PDZD2: variants seen among roughly 807,000 people sequenced by gnomAD.
PDZD2 encodes PDZ domain containing 2, also known as PDZ domain-containing protein 2.
Under a neutral mutation model 220.7 loss-of-function variants are expected in PDZD2, and 90 were observed. The observed-to-expected ratio is 0.41, with a 90% CI of 0.34 to 0.49. The LOEUF (loss-of-function observed/expected upper bound fraction) is 0.49, where lower values mean the gene tolerates loss of function less well. Ranked by LOEUF, PDZD2 falls within the 20% of genes least tolerant of loss-of-function variation. PDZD2 has a pLI of 0.28. For missense variants in PDZD2, 3,174 were observed against 3,608.5 expected (o/e 0.88, Z 3.08); for synonymous variants, 1,375 against 1,450.5 (o/e 0.95, Z 1.18).
At chr5:31,951,366 C>A (rs567699685) in intron 2 of PDZD2, among the ~76,000 whole-genome samples, 62 of 152,254 alleles carry the variant, frequency 4.1e-4, no homozygotes, top group African/African-American at 1.4e-3. Flanking sequence ...CTGCACCTGG[C>A]CTTCAGGCTT....
chr5:31,650,069 A>G (rs1175974727), intron 1 of PDZD2, among the ~76,000 whole-genome samples: 5 of 152,158 alleles, frequency 3.3e-5, no homozygotes, highest in Non-Finnish European at 5.9e-5. Flanking sequence ...CTAGAGAAAT[A>G]GTACATTGGG....
At chr5:31,715,306 C>A (rs992338625) in intron 1 of PDZD2, among the ~76,000 whole-genome samples, 1 of 152,128 alleles carries the variant, frequency 6.6e-6, no homozygotes, top group Admixed American at 6.5e-5. Flanking sequence ...TGGAGACAAA[C>A]ACACATGGCT....
chr5:31,944,796 G>GCGCTCAA (rs1338865264), intron 2 of PDZD2, among the ~76,000 whole-genome samples: 1 of 152,224 alleles, frequency 6.6e-6, no homozygotes, highest in Admixed American at 6.5e-5. Context: ...AGCAGCTGCA[G>GCGCTCAA]CTGCGCCTTG....
chr5:31,771,328 A>G (rs1465278457), intron 1 of PDZD2, among the ~76,000 whole-genome samples: 1 of 152,176 alleles, frequency 6.6e-6, no homozygotes, highest in Non-Finnish European at 1.5e-5. Flanking sequence ...GTCATCCCTA[A>G]GCTTATCATC....
intron 1 of PDZD2, among the ~76,000 whole-genome samples, chr5:31,768,465 AC>A (rs1248427193): frequency 6.6e-6 from 1 of 151,882 alleles, no homozygotes; most frequent in Non-Finnish European, 1.5e-5. Flanking sequence ...ACATAGTGAA[AC>A]CCCGTCTCTA....
intron 2 of PDZD2, among the ~76,000 whole-genome samples, chr5:31,907,365 T>G (rs943945614): frequency 1.3e-5 from 2 of 152,228 alleles, no homozygotes; most frequent in Non-Finnish European, 1.5e-5. Context: ...ATAAGGGTAC[T>G]AATCCCTTCA....
At chr5:32,059,909 A>T (rs548274080) in intron 13 of PDZD2, among the ~76,000 whole-genome samples, 28 of 152,352 alleles carry the variant, frequency 1.8e-4, no homozygotes, top group African/African-American at 6.7e-4. Flanking sequence ...TTGAGTTGTA[A>T]CATGGGCGTT....
At chr5:31,944,070 G>C (rs1437378324) in intron 2 of PDZD2, among the ~76,000 whole-genome samples, 3 of 152,208 alleles carry the variant, frequency 2.0e-5, no homozygotes, top group Non-Finnish European at 2.9e-5. Flanking sequence ...TTTGAATTCA[G>C]TGTAACAAGC....
At chr5:31,725,687 T>A in intron 1 of PDZD2, 1 of 950,810 alleles carries the variant, frequency 1.1e-6, no homozygotes, top group Non-Finnish European at 1.7e-6. Flanking sequence ...TTGGAATCTG[T>A]TTTTAGAGAT....
chr5:31,656,708 A>G (rs1391028419), intron 1 of PDZD2, among the ~76,000 whole-genome samples: 7 of 152,226 alleles, frequency 4.6e-5, no homozygotes, highest in African/African-American at 1.7e-4. Flanking sequence ...TTTCAGTACC[A>G]TGTTTGAAAA....
intron 1 of PDZD2, among the ~76,000 whole-genome samples, chr5:31,713,141 C>T (rs1280345346): frequency 2.0e-5 from 3 of 152,174 alleles, no homozygotes; most frequent in Non-Finnish European, 2.9e-5. Context: ...TTATTCCATA[C>T]CTGGGTCTGA....
Position 31,709,076 on chromosome 5 carries a change from C to T in PDZD2, c.-361+69639C>T, listed in dbSNP as rs192591742. Among the ~76,000 whole-genome samples, 964 of 151,854 alleles carry T rather than the reference C, an allele frequency of 6.3e-3. 10 individuals carry two copies. Among genetic ancestry groups the T allele is most frequent in the African/African-American group, 0.022 (913 of 41,436 alleles). On this transcript the variant is annotated intron_variant, in intron 1 of 24. Coordinates refer to ENST00000438447, the MANE Select transcript of PDZD2 (RefSeq NM_178140.4). ...CTAATTTTTGTATTTTTAGTAGAGA[C>T]GGGGTTTCACCATGTTGGCCAGGCT...
chr5:31,736,796 C>T (rs1749887025), intron 1 of PDZD2, among the ~76,000 whole-genome samples: 1 of 152,168 alleles, frequency 6.6e-6, no homozygotes, highest in Non-Finnish European at 1.5e-5. Context: ...GCAGATCTAT[C>T]ATGAATGACT....
At position 31,643,616 on chromosome 5, in the gene PDZD2, T is replaced by C. The variant is rs112284739; in HGVS notation, c.-361+4179T>C. 8.4e-3 allele frequency among the ~76,000 whole-genome samples: 1,281 copies of C among 152,304 alleles called. 24 individuals carry two copies. Among genetic ancestry groups the C allele is most frequent in the African/African-American group, 0.029 (1,188 of 41,570 alleles). On this transcript the variant is annotated intron_variant, in intron 1 of 24. Transcript: ENST00000438447. ...GATCTGGGGAACTCTTGTCTTTCAA[T>C]AGCAGTGGTGTTGGCCAAGATGCAG...
At chr5:31,847,911 A>T in intron 2 of PDZD2, 1 of 470,370 alleles carries the variant, frequency 2.1e-6, no homozygotes, top group Non-Finnish European at 4.2e-6. Flanking sequence ...ATGGAAGATG[A>T]AGATGCTTAC....
chr5:31,750,319 C>T (rs1750876206), intron 1 of PDZD2, among the ~76,000 whole-genome samples: 1 of 152,226 alleles, frequency 6.6e-6, no homozygotes, highest in Non-Finnish European at 1.5e-5. Context: ...CTCCCCTGTA[C>T]ATCCTCCTTT....
At chr5:32,038,594 A>G (rs1396947646) in intron 7 of PDZD2, among the ~76,000 whole-genome samples, 2 of 151,816 alleles carry the variant, frequency 1.3e-5, no homozygotes, top group Non-Finnish European at 2.9e-5. Context: ...TCTATTCATT[A>G]CTATTACGTT....
At chr5:31,715,959 A>G (rs1748419437) in intron 1 of PDZD2, among the ~76,000 whole-genome samples, 1 of 152,198 alleles carries the variant, frequency 6.6e-6, no homozygotes, top group Non-Finnish European at 1.5e-5. Flanking sequence ...GCATTCTCTC[A>G]GCCCGTGCAA....
intron 14 of PDZD2, among the ~76,000 whole-genome samples, chr5:32,068,698 C>G (rs1740445671): frequency 6.6e-6 from 1 of 152,114 alleles, no homozygotes; most frequent in Non-Finnish European, 1.5e-5. Flanking sequence ...GTTGCATTTC[C>G]TGAATTTGAC....
Sources: allele counts gnomAD v4.1 joint callset (sites outside exome capture counted in the v4.1 genomes callset), GRCh38; gene constraint gnomAD v4.1.1; transcripts MANE v1.5; gene names NCBI Gene and HGNC (gene_info 2026-07-23, HGNC 2026-07-21).